Variants in KIAA1549 observed in about 807,000 individuals in gnomAD.
The protein encoded by KIAA1549 is KIAA1549.
A neutral mutation model predicts 156.4 loss-of-function variants in KIAA1549; 70 were observed. That is an observed-to-expected ratio of 0.45 (90% CI 0.37 to 0.55). The LOEUF is 0.55. KIAA1549 is among the 20% of genes least tolerant of loss of function. KIAA1549 has a pLI of 0.00. For missense variants in KIAA1549, 2,428 were observed against 2,540.9 expected, an observed-to-expected ratio of 0.96 and a Z score of 0.96; for synonymous variants, 1,103 against 1,066.4, an observed-to-expected ratio of 1.03 and a Z score of -0.67.
chr7:138,844,188 AGGG>A, intron 18 of KIAA1549, 126 bp downstream of exon 18: 1 of 1,044,760 alleles, frequency 9.6e-7, no homozygotes, highest in Admixed American at 2.0e-5. Context: ...TCAGGATATG[AGGG>A]GAAACAGCCC....
chr7:138,891,661 C>T (rs936427454), intron 10 of KIAA1549, among the ~76,000 whole-genome samples: 3 of 152,120 alleles, frequency 2.0e-5, no homozygotes, highest in Admixed American at 6.5e-5. Context: ...TTTAGGTCAG[C>T]AGATTTATTG....
intron 3 of KIAA1549, 101 bp downstream of exon 3, chr7:138,912,271 A>C (rs1812191335): frequency 1.2e-6 from 1 of 821,458 alleles, no homozygotes; most frequent in South Asian, 1.4e-5. Flanking sequence ...AAGAGATGAA[A>C]TAGAATGATT....
chr7:138,840,268 G>A lies in KIAA1549; in HGVS notation c.5463C>T (p.Ile1821=), dbSNP rs1809875438. ...RPVGGTTGSQ[I]QHLTQVGIAS... Reference sequence around the variant, plus strand: ...CAATCCCCACCTGTGTCAGGTGCTGGATCTGGGAGCCTGGAAGGAACATGG... The same window carrying A: ...CAATCCCCACCTGTGTCAGGTGCTGAATCTGGGAGCCTGGAAGGAACATGG... The change falls in exon 19 of 20, where the codon ATC becomes ATT. Residue 1821 remains isoleucine, a synonymous_variant. Coordinates refer to ENST00000422774, the MANE Select transcript of KIAA1549 (RefSeq NM_001164665.2). 2.5e-6 allele frequency: 4 copies of A among 1,599,950 alleles called. No homozygotes were observed. The highest frequency in any genetic ancestry group is 3.4e-6 in the Non-Finnish European group (4 of 1,173,544).
chr7:138,846,245 G>A (rs1810068262), intron 17 of KIAA1549, among the ~76,000 whole-genome samples: 1 of 152,106 alleles, frequency 6.6e-6, no homozygotes, highest in Non-Finnish European at 1.5e-5. Context: ...CTAAAGACGA[G>A]CAGTTTTGGC....
chr7:138,964,318 G>A (rs1351309133), intron 1 of KIAA1549, among the ~76,000 whole-genome samples: 10 of 152,234 alleles, frequency 6.6e-5, no homozygotes, highest in African/African-American at 2.4e-4. Context: ...CCCAGACCCA[G>A]AACAGAGGAG....
chr7:138,950,552 T>C (rs1258164726), intron 1 of KIAA1549, among the ~76,000 whole-genome samples: 1 of 152,250 alleles, frequency 6.6e-6, no homozygotes, highest in East Asian at 1.9e-4. Flanking sequence ...TCTTGTCATT[T>C]AAAGACTATT....
chr7:138,962,889 T>A (rs751680040), intron 1 of KIAA1549, among the ~76,000 whole-genome samples: 5 of 152,190 alleles, frequency 3.3e-5, no homozygotes, highest in Non-Finnish European at 7.3e-5. Flanking sequence ...TCTTCAAACA[T>A]CCCCCACAGT....
At chr7:138,926,669 T>C (rs1386575419) in intron 1 of KIAA1549, among the ~76,000 whole-genome samples, 1 of 152,224 alleles carries the variant, frequency 6.6e-6, no homozygotes, top group Non-Finnish European at 1.5e-5. Flanking sequence ...CCCTTCTCCA[T>C]GTTCCATTTA....
intron 16 of KIAA1549, among the ~76,000 whole-genome samples, chr7:138,859,490 A>C (rs1810493079): frequency 6.6e-6 from 1 of 152,112 alleles, no homozygotes; most frequent in South Asian, 2.1e-4. Flanking sequence ...ATCAGTACTC[A>C]AACAAAGATT....
At chr7:138,905,546 T>C (rs1563071559) in intron 6 of KIAA1549, among the ~76,000 whole-genome samples, 1 of 152,228 alleles carries the variant, frequency 6.6e-6, no homozygotes, top group Non-Finnish European at 1.5e-5. Flanking sequence ...ATAACAGCTT[T>C]ATCTCTGTCT....
intron 1 of KIAA1549, among the ~76,000 whole-genome samples, chr7:138,971,382 C>T (rs1814217067): frequency 6.6e-6 from 1 of 152,026 alleles, no homozygotes; most frequent in Non-Finnish European, 1.5e-5. Flanking sequence ...CTTCTGTTTT[C>T]CTCCTCTCTC....
intron 1 of KIAA1549, among the ~76,000 whole-genome samples, chr7:138,919,903 C>G (rs963056764): frequency 6.6e-6 from 1 of 152,166 alleles, no homozygotes; most frequent in African/African-American, 2.4e-5. Flanking sequence ...GTGATAGGAG[C>G]TGGCTGCTAC....
Position 138,917,253 on chromosome 7 carries a change from G to A in KIAA1549, c.2373C>T (p.Thr791=), listed in dbSNP as rs375579009. The A allele has an allele frequency of 2.1e-4, 334 of 1,613,754 alleles. No individual in the cohort carries two copies. The highest frequency in any genetic ancestry group is 2.7e-4 in the Non-Finnish European group (322 of 1,179,826). The part of the protein sequence containing the change: ...TAGIQATSPL[T]TVHTTPILTE... The stretch of plus-strand genomic sequence containing the variant: ...TTAAAATGGGCGTTGTGTGGACAGT[G>A]GTCAATGGTGATGTTGCTTGAATCC... The change falls in exon 2 of 20, where the codon ACC becomes ACT. Residue 791 remains threonine (T), a synonymous_variant. Transcript: ENST00000422774.
In KIAA1549 at chr7:138,907,003, A is replaced by G; in HGVS notation, c.3376T>C (p.Ser1126Pro). The change falls in exon 6 of 20, where the codon TCG (serine) becomes CCG (proline). Residue 1126 changes from serine to proline, a missense_variant. Coordinates refer to ENST00000422774, the MANE Select transcript of KIAA1549 (RefSeq NM_001164665.2). The stretch of plus-strand genomic sequence containing the variant: ...TTTCTGAGCAGCTCGCTCACTTCCG[A>G]CCCATTCAAAAATCCCTGTGTGCTT... Reference protein sequence around the residue: ...VKSTQGFLNGSEVSELLRNLS... With the variant: ...VKSTQGFLNGPEVSELLRNLS... The G allele has an allele frequency of 6.2e-7, 1 of 1,613,604 alleles. No homozygotes were observed. Among genetic ancestry groups the G allele is most frequent in the Non-Finnish European group, 8.5e-7 (1 of 1,179,726 alleles).
chr7:138,909,072 G>A lies in KIAA1549; in HGVS notation c.3195C>T (p.Thr1065=), dbSNP rs10277735. Reference sequence around the variant, plus strand: ...TCATTAGGCCTTTCTCAATGCGCTGGGTGAAGTTGCAGAAGCCAGTATCCA... The same window carrying A: ...TCATTAGGCCTTTCTCAATGCGCTGAGTGAAGTTGCAGAAGCCAGTATCCA... The part of the protein sequence containing the change: ...PSVDTGFCNF[T]QRIEKGLMTA... The change falls in exon 5 of 20, where the codon ACC becomes ACT. Residue 1065 remains threonine, a synonymous_variant. Transcript: ENST00000422774. The A allele has an allele frequency of 3.1e-3, 5,051 of 1,613,848 alleles. 130 individuals carry two copies. In the African/African-American group the frequency reaches 0.057, roughly 18 times the overall value.
chr7:138,968,817 G>T (rs1164223547), intron 1 of KIAA1549, among the ~76,000 whole-genome samples: 1 of 135,606 alleles, frequency 7.4e-6, no homozygotes. Flanking sequence ...CCAAGATCGC[G>T]CCACTGCACT....
rs1810252600 is a variant in KIAA1549, at chr7:138,852,138, A to G, written c.5294+85T>C. 14 of 838,710 alleles carry G rather than the reference A, an allele frequency of 1.7e-5. No homozygotes were observed. The South Asian group carries it at 2.0e-4, about 12-fold the overall frequency. 52.0% of individuals were successfully genotyped at this position (838,710 alleles called of 1,614,324 possible). Reference sequence around the variant, plus strand: ...AACGCAGAGTTTTACATCTGCTCATATTAGCTAAAATTAGTGAGTTTATAA... The same window carrying G: ...AACGCAGAGTTTTACATCTGCTCATGTTAGCTAAAATTAGTGAGTTTATAA... On this transcript the variant is annotated intron_variant, in intron 17 of 19. Transcript: ENST00000422774.
At chr7:138,888,233 AG>A (rs1250257545) in intron 10 of KIAA1549, among the ~76,000 whole-genome samples, 4 of 152,246 alleles carry the variant, frequency 2.6e-5, no homozygotes, top group Non-Finnish European at 4.4e-5. Flanking sequence ...AAAAGGAAAA[AG>A]GGGTGAAAAG....
At chr7:138,963,053 G>A (rs907513675) in intron 1 of KIAA1549, among the ~76,000 whole-genome samples, 12 of 152,234 alleles carry the variant, frequency 7.9e-5, no homozygotes, top group African/African-American at 2.2e-4. Context: ...ACTGACTGCC[G>A]TATTTCTCTT....
Sources: allele counts gnomAD v4.1 joint callset (sites outside exome capture counted in the v4.1 genomes callset), GRCh38; gene constraint gnomAD v4.1.1; transcripts MANE v1.5; gene names NCBI Gene and HGNC (gene_info 2026-07-23, HGNC 2026-07-21).